Variants in GOSR2 observed in about 807,000 individuals in gnomAD.
The protein encoded by GOSR2 is golgi SNAP receptor complex member 2.
In GOSR2, 20 loss-of-function variants were observed where a neutral mutation model predicts 27.9. That is an observed-to-expected ratio of 0.72 (90% CI 0.50 to 1.04). The LOEUF is 1.04. GOSR2 is among the 50% of genes least tolerant of loss of function. The pLI is 0.00. For missense variants in GOSR2, 261 were observed against 270.5 expected (o/e 0.97, Z 0.25); for synonymous variants, 91 against 98.8 (o/e 0.92, Z 0.47).
chr17:46,974,595 G>A (rs376621200), intron 6 of GOSR2, among the ~76,000 whole-genome samples: 1,563 of 152,258 alleles, frequency 0.01, 31 homozygotes, highest in African/African-American at 0.036. Context: ...TTAGCTGGGC[G>A]TGGTGGCGGG....
At chr17:46,950,934 A>G (rs2090293497) in intron 6 of GOSR2, among the ~76,000 whole-genome samples, 1 of 152,140 alleles carries the variant, frequency 6.6e-6, no homozygotes, top group Admixed American at 6.5e-5. Flanking sequence ...CAGAGGGGGA[A>G]GTCACCGACT....
rs369271685 is a variant in GOSR2, at chr17:46,929,596, A to G, written c.94+12A>G. ...GCAGTCTGTGCACAGTGAGTAATTA[A>G]CTGTGGAGACCAGAGTCCTTTCTCT... On this transcript the variant is annotated intron_variant, in intron 2 of 5. Transcript: ENST00000640051. The G allele has an allele frequency of 1.6e-5, 22 of 1,345,518 alleles. No homozygotes were observed. Among genetic ancestry groups the G allele is most frequent in the Middle Eastern group, 3.6e-4 (2 of 5,576 alleles). The allele number at this position is 1,345,518 out of a possible 1,614,324, so 83.3% of individuals were successfully genotyped here. A position where few individuals can be genotyped will look rare whatever the true frequency, so the allele number is the denominator to read the frequency against.
intron 6 of GOSR2, among the ~76,000 whole-genome samples, chr17:46,954,388 G>A (rs2090571952): frequency 2.6e-5 from 4 of 152,096 alleles, no homozygotes; most frequent in Admixed American, 2.6e-4. Context: ...CTGTTCCATT[G>A]GTCTATATCT....
chr17:46,947,950 ACTAGAGACAGAGTTTCACCATGTTGG>A (rs1444543667), intron 6 of GOSR2, among the ~76,000 whole-genome samples: 5 of 152,028 alleles, frequency 3.3e-5, no homozygotes, highest in African/African-American at 1.2e-4. Flanking sequence ...TCGTGTTTTT[ACTAGAGACAGAGTTTCACCATGTTGG>A]CCAGGCTGGT....
chr17:46,938,351 A>G (rs961675037), intron 5 of GOSR2, among the ~76,000 whole-genome samples: 3 of 152,218 alleles, frequency 2.0e-5, no homozygotes, highest in Non-Finnish European at 4.4e-5. Context: ...GTGATATTAT[A>G]TAGTCAGTCG....
At chr17:46,924,338 C>T (rs1240920027) in intron 1 of GOSR2, 1 of 152,618 alleles carries the variant, frequency 6.6e-6, no homozygotes, top group East Asian at 1.9e-4. Flanking sequence ...TATGTGTCTA[C>T]CACATTTTGT....
chr17:46,959,862 T>A (rs975602362), intron 6 of GOSR2, among the ~76,000 whole-genome samples: 1 of 152,140 alleles, frequency 6.6e-6, no homozygotes, highest in African/African-American at 2.4e-5. Flanking sequence ...CTTTCTTCCC[T>A]CTCCTGGACT....
At chr17:46,973,499 C>T (rs1342480523) in intron 6 of GOSR2, among the ~76,000 whole-genome samples, 3 of 151,956 alleles carry the variant, frequency 2.0e-5, no homozygotes, top group Admixed American at 1.3e-4. Context: ...TGAGATCTAG[C>T]GTTCCCCATG....
Position 46,923,175 on chromosome 17 carries a change from G to C in GOSR2, c.-18G>C, listed in dbSNP as rs1446738554. 2 of 1,515,120 alleles carry C rather than the reference G, an allele frequency of 1.3e-6. No individual in the cohort carries two copies. Among genetic ancestry groups the C allele is most frequent in the African/African-American group, 2.8e-5 (2 of 72,414 alleles). The allele number at this position is 1,515,120 out of a possible 1,614,324, so 93.9% of individuals were successfully genotyped here. ...CGAGGAAGCCAGAGCCGGAGCCGTG[G>C]CCTGCGGGGCCGGCGACATGGATCC... On this transcript the variant is annotated 5_prime_UTR_variant, in exon 1 of 6. Transcript: ENST00000640051.
At chr17:46,958,012 G>T (rs1017686941) in intron 6 of GOSR2, among the ~76,000 whole-genome samples, 1 of 152,196 alleles carries the variant, frequency 6.6e-6, no homozygotes, top group Non-Finnish European at 1.5e-5. Context: ...CCACCAAGGG[G>T]CTTATGGCTG....
chr17:46,936,315 G>T, intron 5 of GOSR2: 1 of 985,396 alleles, frequency 1.0e-6, no homozygotes, highest in Non-Finnish European at 1.2e-6. Context: ...TGAAGAGCCA[G>T]TGGGGGTTAG....
downstream of GOSR2, among the ~76,000 whole-genome samples, chr17:46,970,405 G>T (rs1410272956): frequency 6.6e-6 from 1 of 152,152 alleles, no homozygotes; most frequent in East Asian, 1.9e-4. Flanking sequence ...GCTGGGAGTG[G>T]TGGTGGACAC....
At chr17:46,972,227 G>T (rs749637714) in intron 6 of GOSR2, among the ~76,000 whole-genome samples, 4 of 152,114 alleles carry the variant, frequency 2.6e-5, no homozygotes, top group Non-Finnish European at 5.9e-5. Flanking sequence ...TGCTTCTCCC[G>T]CCACCCGCTT....
intron 6 of GOSR2, among the ~76,000 whole-genome samples, chr17:46,965,455 G>C (rs1319449231): frequency 6.6e-6 from 1 of 152,070 alleles, no homozygotes; most frequent in East Asian, 1.9e-4. Flanking sequence ...CCCCAGATTG[G>C]GGCACCCTGG....
chr17:46,924,776 T>A (rs1234124326), intron 1 of GOSR2, among the ~76,000 whole-genome samples: 1 of 152,220 alleles, frequency 6.6e-6, no homozygotes, highest in Non-Finnish European at 1.5e-5. Flanking sequence ...CTGTGAGTAA[T>A]TTAGAGAAAG....
At chr17:46,946,164 G>C (rs976917619), downstream of GOSR2, among the ~76,000 whole-genome samples, 1 of 151,864 alleles carries the variant, frequency 6.6e-6, no homozygotes, top group Non-Finnish European at 1.5e-5. Context: ...GGCTGGGCGC[G>C]GTGTCTCATG....
At chr17:46,950,461 C>T (rs774090818) in intron 6 of GOSR2, among the ~76,000 whole-genome samples, 3 of 152,202 alleles carry the variant, frequency 2.0e-5, no homozygotes, top group Non-Finnish European at 4.4e-5. Flanking sequence ...GCCCATACTA[C>T]AAATTGCTTT....
In GOSR2 at chr17:46,940,604, G is replaced by T; in HGVS notation, c.*1844G>T. 4.3e-6 allele frequency: 7 copies of T among 1,614,146 alleles called. No individual in the cohort carries two copies. Among genetic ancestry groups the T allele is most frequent in the Non-Finnish European group, 5.9e-6 (7 of 1,180,022 alleles). ...CACACTTTGGAGGAAGGTCTGCAGG[G>T]AGCAGCTGAGCCATTTGTTCTTGAA... is the stretch of plus-strand genomic sequence containing the variant. On this transcript the variant is annotated 3_prime_UTR_variant, in exon 6 of 6. Coordinates refer to ENST00000640051, the MANE Select transcript of GOSR2 (RefSeq NM_004287.5).
At chr17:46,926,465 C>G (rs571236904) in intron 1 of GOSR2, among the ~76,000 whole-genome samples, 1 of 152,250 alleles carries the variant, frequency 6.6e-6, no homozygotes, top group Non-Finnish European at 1.5e-5. Context: ...TTAAAGACGG[C>G]TACAATGACC....
Sources: gnomAD v4.1 joint callset for allele counts (sites outside exome capture counted in the v4.1 genomes callset) on GRCh38, gnomAD v4.1.1 for gene constraint, MANE v1.5 for transcripts, NCBI Gene and HGNC (gene_info 2026-07-23, HGNC 2026-07-21) for gene names.